Variants in CFAP92 observed in about 807,000 individuals in gnomAD.
The protein encoded by CFAP92 is cilia and flagella associated protein 92 (putative), also known as uncharacterized protein CFAP92.
Under a neutral mutation model 106.3 loss-of-function variants are expected in CFAP92, and 86 were observed. The observed-to-expected ratio is 0.81, with a 90% CI of 0.68 to 0.97. The LOEUF is 0.97. Ranked by LOEUF, CFAP92 falls within the 50% of genes least tolerant of loss-of-function variation. The pLI is 0.00. For missense variants in CFAP92, 1,204 were observed against 1,283.8 expected, an observed-to-expected ratio of 0.94 and a Z score of 0.95; for synonymous variants, 477 against 506.4, an observed-to-expected ratio of 0.94 and a Z score of 0.78.
At position 128,965,535 on chromosome 3, in the gene CFAP92, C is replaced by T. The variant is rs992061551; in HGVS notation, c.1329G>A (p.Gln443=). 1.8e-5 allele frequency: 7 copies of T among 398,758 alleles called. No individual in the cohort carries two copies. Among genetic ancestry groups the T allele is most frequent in the African/African-American group, 1.4e-4 (7 of 48,544 alleles). 24.7% of individuals were successfully genotyped at this position (398,758 alleles called of 1,614,324 possible). ...CCTCTAGTTCCTGAATGGGTACAGG[C>T]TGTGATGGAAGGCAGGAAGCACACT... ...KIKCASCLPS[Q]PVPIQELERL... is the part of the protein sequence containing the mutation. The change falls in exon 9 of 16, where the codon CAG becomes CAA. Residue 443 remains glutamine, a synonymous_variant. Transcript: ENST00000645291.
At chr3:128,924,989 T>C (rs1236221536) in intron 12 of CFAP92, among the ~76,000 whole-genome samples, 1 of 152,258 alleles carries the variant, frequency 6.6e-6, no homozygotes, top group East Asian at 1.9e-4. Flanking sequence ...AGTCCCACTT[T>C]ATGCACTCTT....
At chr3:128,961,049 C>G (rs935103897) in intron 9 of CFAP92, among the ~76,000 whole-genome samples, 1 of 152,208 alleles carries the variant, frequency 6.6e-6, no homozygotes, top group Non-Finnish European at 1.5e-5. Context: ...GAACTTAAAA[C>G]CTCTTCAACT....
At chr3:128,911,363 A>G (rs1044489655) in intron 15 of CFAP92, among the ~76,000 whole-genome samples, 1 of 151,304 alleles carries the variant, frequency 6.6e-6, no homozygotes, top group Admixed American at 6.6e-5. Context: ...GGGCCTGCCA[A>G]GGCAATTTTA....
At chr3:129,025,055 G>C in the CFAP92 span, among the ~76,000 whole-genome samples, 3 of 152,150 alleles carry the variant, frequency 2.0e-5, no homozygotes, top group African/African-American at 7.2e-5. Flanking sequence ...GGTGGCATGA[G>C]AGGCTGTGAG....
intron 4 of CFAP92, among the ~76,000 whole-genome samples, chr3:128,979,750 G>C (rs981298513): frequency 1.2e-4 from 18 of 147,814 alleles, no homozygotes; most frequent in African/African-American, 4.5e-4. Context: ...TGAACAGTGA[G>C]AACACTTGGA....
At chr3:128,937,713 G>A (rs993763539) in intron 10 of CFAP92, among the ~76,000 whole-genome samples, 2 of 152,112 alleles carry the variant, frequency 1.3e-5, no homozygotes, top group Non-Finnish European at 2.9e-5. Context: ...TCACCATTGG[G>A]GGAGGTTGAG....
At chr3:128,970,399 G>T (rs956216009) in intron 8 of CFAP92, 2 of 152,132 alleles carry the variant, frequency 1.3e-5, no homozygotes, top group Non-Finnish European at 2.9e-5. Flanking sequence ...TATGAATGCT[G>T]GTTCCAGCTC....
chr3:129,001,208 T>TCGCC (rs1364820093), intron 1 of CFAP92, among the ~76,000 whole-genome samples: 1 of 151,810 alleles, frequency 6.6e-6, no homozygotes, highest in Non-Finnish European at 1.5e-5. Context: ...CGCCAACCCC[T>TCGCC]CGCCCAGGTC....
At position 128,932,959 on chromosome 3, in the gene CFAP92, TC is replaced by T. The variant is rs1938564073; in HGVS notation, c.2491del (p.Asp831ThrfsTer2). On this transcript the variant is annotated frameshift_variant, in exon 12 of 16. Transcript: ENST00000645291. LOFTEE classifies it high-confidence loss of function. Reference sequence around the variant, plus strand: ...GGGCAGCAGGTCCCTCACCGTCACGTCCCAGAGGGTGGTGCTGTTATAGCAG... The same window carrying T: ...GGGCAGCAGGTCCCTCACCGTCACGTCCAGAGGGTGGTGCTGTTATAGCAG... The part of the protein sequence containing the change: ...DICYNSTTLW[D>X]VTVRDLLPSS... 1 of 1,536,060 alleles carries T rather than the reference TC, an allele frequency of 6.5e-7. No homozygotes were observed. The highest frequency in any genetic ancestry group is 1.4e-5 in the African/African-American group (1 of 73,122).
intron 7 of CFAP92, among the ~76,000 whole-genome samples, chr3:128,973,659 GA>G (rs34115052): frequency 0.34 from 43,174 of 126,656 alleles, 6,527 homozygotes; most frequent in East Asian, 0.58. Context: ...TCTGTCTCAA[GA>G]AAAAAAAAAA....
chr3:128,910,717 C>G, intron 15 of CFAP92: 1 of 1,613,968 alleles, frequency 6.2e-7, no homozygotes, highest in Non-Finnish European at 8.5e-7. Flanking sequence ...TTGGGCATAT[C>G]TTTTCTGTCC....
At position 128,932,952 on chromosome 3, in the gene CFAP92, C is replaced by G; in HGVS notation, c.2499G>C (p.Thr833=). 6.5e-7 allele frequency: 1 copy of G among 1,536,152 alleles called. No individual in the cohort carries two copies. The highest frequency in any genetic ancestry group is 8.7e-7 in the Non-Finnish European group (1 of 1,146,918). ...CYNSTTLWDV[T]VRDLLPSSAM... Reference sequence around the variant, plus strand: ...CAGAGGAGGGCAGCAGGTCCCTCACCGTCACGTCCCAGAGGGTGGTGCTGT... The same window carrying G: ...CAGAGGAGGGCAGCAGGTCCCTCACGGTCACGTCCCAGAGGGTGGTGCTGT... The change falls in exon 12 of 16, where the codon ACG becomes ACC. Residue 833 remains threonine (T), a synonymous_variant. Transcript: ENST00000645291.
At chr3:128,979,385 T>G (rs1480918369) in intron 4 of CFAP92, among the ~76,000 whole-genome samples, 1 of 152,212 alleles carries the variant, frequency 6.6e-6, no homozygotes, top group Non-Finnish European at 1.5e-5. Flanking sequence ...GAAGACAGTG[T>G]GGCGATTCCT....
In CFAP92 at chr3:128,932,190, T is replaced by A. The variant is rs146725853; in HGVS notation, c.2751+510A>T. Among the ~76,000 whole-genome samples the A allele has an allele frequency of 2.5e-3, 377 of 152,264 alleles. 1 individual carries two copies. Among genetic ancestry groups the A allele is most frequent in the African/African-American group, 8.5e-3 (352 of 41,528 alleles). ...CATACCACAGATGTCTGTGTTTTCA[T>A]GTCTTTTTGGTTGGCATGGGGTGAG... On this transcript the variant is annotated intron_variant, in intron 12 of 15. Coordinates refer to ENST00000645291, the MANE Select transcript of CFAP92 (RefSeq NM_001394090.1).
intron 3 of CFAP92, 60 bp from the exon 4 acceptor site, chr3:128,987,889 A>C (rs1422998986): frequency 7.6e-6 from 11 of 1,447,600 alleles, no homozygotes; most frequent in Non-Finnish European, 1.0e-5. Flanking sequence ...GCCGTGGCGA[A>C]CAGAGCAAGC....
the CFAP92 span, among the ~76,000 whole-genome samples, chr3:129,024,836 G>A: frequency 1.3e-5 from 2 of 152,198 alleles, no homozygotes; most frequent in African/African-American, 4.8e-5. Context: ...GTGAACTTTG[G>A]GGGACACATT....
At chr3:128,956,182 A>AT (rs1300825624) in intron 9 of CFAP92, among the ~76,000 whole-genome samples, 26 of 99,840 alleles carry the variant, frequency 2.6e-4, no homozygotes, top group African/African-American at 6.1e-5. Context: ...AAAAAAATAA[A>AT]TTAAAAAAAA....
At chr3:128,917,335 G>A (rs930331470) in intron 12 of CFAP92, among the ~76,000 whole-genome samples, 2 of 152,230 alleles carry the variant, frequency 1.3e-5, no homozygotes, top group African/African-American at 2.4e-5. Context: ...CCTAGAATTC[G>A]TGAATTACAA....
At chr3:129,002,422 AG>A in intron 1 of CFAP92, 1 of 1,421,244 alleles carries the variant, frequency 7.0e-7, no homozygotes, top group Non-Finnish European at 9.1e-7. Flanking sequence ...AGTCAGAGGA[AG>A]GGGAGACAGA....
Sources: gnomAD v4.1 joint callset for allele counts (sites outside exome capture counted in the v4.1 genomes callset) on GRCh38, gnomAD v4.1.1 for gene constraint, MANE v1.5 for transcripts, NCBI Gene and HGNC (gene_info 2026-07-23, HGNC 2026-07-21) for gene names.